The following ACSM2A variants were observed in gnomAD, a reference collection of about 807,000 sequenced individuals.
ACSM2A encodes acyl-coenzyme A synthetase ACSM2A, mitochondrial.
In ACSM2A, 72 loss-of-function variants were observed where a neutral mutation model predicts 76.6. That is an observed-to-expected ratio of 0.94 (90% CI 0.78 to 1.14). ACSM2A has a LOEUF of 1.14. ACSM2A is among the 50% of genes most tolerant of loss of function. The pLI, the probability that ACSM2A is intolerant of heterozygous loss-of-function variation, is 0.00. For missense variants in ACSM2A, 684 were observed against 708.5 expected, an observed-to-expected ratio of 0.97 and a Z score of 0.39; for synonymous variants, 249 against 255.9, an observed-to-expected ratio of 0.97 and a Z score of 0.26.
rs1469833125 is a variant in ACSM2A, at chr16:20,468,679, A to G, written c.389-833A>G. Among the ~76,000 whole-genome samples, 3 of 152,340 alleles carry G rather than the reference A, an allele frequency of 2.0e-5. No homozygotes were observed. The East Asian group carries it at 5.8e-4, about 29-fold the overall frequency. ...CTGGCCCTAAGTCTAGTTATTCTAC[A>G]GAATATTTTAATAATCAAAGGAGTC... On this transcript the variant is annotated intron_variant, in intron 3 of 13. Transcript: ENST00000573854.
chr16:20,478,613 C>T lies in ACSM2A; in HGVS notation c.1217C>T (p.Thr406Ile), dbSNP rs538489825. Reference protein sequence around the residue: ...DDKGNVLPPGTEGDIGIRVKP... With the variant: ...DDKGNVLPPGIEGDIGIRVKP... ...AAGGGCAACGTCCTGCCCCCCGGCA[C>T]AGAAGGAGACATTGGCATCAGGGTC... The change falls in exon 10 of 14, where the codon ACA (threonine) becomes ATA (isoleucine). Residue 406 changes from threonine (T) to isoleucine (I), a missense_variant. Coordinates refer to ENST00000573854, the MANE Select transcript of ACSM2A (RefSeq NM_001308172.2). 8.7e-6 allele frequency: 14 copies of T among 1,613,838 alleles called. No homozygotes were observed. The highest frequency in any genetic ancestry group is 1.7e-5 in the Admixed American group (1 of 60,000).
chr16:20,463,878 T>G (rs2012791467), intron 2 of ACSM2A, among the ~76,000 whole-genome samples: 1 of 152,198 alleles, frequency 6.6e-6, no homozygotes, highest in Admixed American at 6.5e-5. Flanking sequence ...TATTCCATTG[T>G]TATGTATATG....
chr16:20,473,671 C>T (rs1038651195), intron 6 of ACSM2A, among the ~76,000 whole-genome samples: 9 of 152,086 alleles, frequency 5.9e-5, no homozygotes, highest in South Asian at 4.2e-4. Flanking sequence ...TCCTAAGGCC[C>T]CATCCCGCCA....
intron 4 of ACSM2A, among the ~76,000 whole-genome samples, chr16:20,470,465 G>C (rs528742133): frequency 6.6e-6 from 1 of 152,096 alleles, no homozygotes; most frequent in Non-Finnish European, 1.5e-5. Context: ...CTCTAGCAGG[G>C]GCACATATGA....
intron 2 of ACSM2A, among the ~76,000 whole-genome samples, chr16:20,463,597 C>T (rs1322004152): frequency 1.3e-5 from 2 of 152,090 alleles, no homozygotes; most frequent in Admixed American, 6.5e-5. Flanking sequence ...TGGCTGTAAT[C>T]TTCCTGAGGC....
At chr16:20,470,578 C>T (rs1310215896) in intron 4 of ACSM2A, among the ~76,000 whole-genome samples, 1 of 152,106 alleles carries the variant, frequency 6.6e-6, no homozygotes, top group Non-Finnish European at 1.5e-5. Flanking sequence ...TTTAAAGGCT[C>T]AAAATCAGGA....
At chr16:20,470,107 C>A (rs1388645614) in intron 4 of ACSM2A, among the ~76,000 whole-genome samples, 2 of 151,998 alleles carry the variant, frequency 1.3e-5, no homozygotes, top group Non-Finnish European at 2.9e-5. Context: ...GAGTTCCATG[C>A]TATGGTAAAA....
intron 3 of ACSM2A, among the ~76,000 whole-genome samples, chr16:20,466,602 A>G (rs1054441779): frequency 3.3e-5 from 5 of 152,240 alleles, no homozygotes; most frequent in African/African-American, 1.2e-4. Context: ...CAAGGGGCTA[A>G]GGAATAGTAA....
intron 2 of ACSM2A, among the ~76,000 whole-genome samples, chr16:20,463,364 T>A (rs2012756604): frequency 6.6e-6 from 1 of 150,906 alleles, no homozygotes; most frequent in Admixed American, 6.6e-5. Context: ...TTTCTCTAAA[T>A]CTCATGTTGA....
At chr16:20,470,332 G>A (rs2013307541) in intron 4 of ACSM2A, among the ~76,000 whole-genome samples, 1 of 152,140 alleles carries the variant, frequency 6.6e-6, no homozygotes, top group Admixed American at 6.5e-5. Context: ...TCTAAGAGAG[G>A]CTGATCAAGG....
At chr16:20,468,643 A>G (rs2013166981) in intron 3 of ACSM2A, among the ~76,000 whole-genome samples, 1 of 152,220 alleles carries the variant, frequency 6.6e-6, no homozygotes, top group African/African-American at 2.4e-5. Flanking sequence ...TACAGGCATG[A>G]GCCACCATAC....
At chr16:20,474,443 G>GA (rs1176639769) in intron 6 of ACSM2A, among the ~76,000 whole-genome samples, 2 of 152,096 alleles carry the variant, frequency 1.3e-5, no homozygotes, top group African/African-American at 2.4e-5. Context: ...CCCTCCTTGG[G>GA]ACTCTGCGGA....
intron 8 of ACSM2A, 166 bp downstream of exon 8, chr16:20,475,939 C>T (rs1432667527): frequency 1.5e-5 from 22 of 1,432,318 alleles, no homozygotes; most frequent in Non-Finnish European, 1.8e-5. Flanking sequence ...CCGCACAGAA[C>T]AAAAAAGGCA....
chr16:20,469,876 T>G (rs1479202787), intron 4 of ACSM2A, among the ~76,000 whole-genome samples, 157 bp downstream of exon 4: 1 of 147,378 alleles, frequency 6.8e-6, no homozygotes, highest in Non-Finnish European at 1.5e-5. Flanking sequence ...AAGGGTATTT[T>G]TTTTTTTTTT....
In ACSM2A at chr16:20,486,668, G is replaced by A. The variant is rs1173954214; in HGVS notation, c.1724G>A (p.Arg575His). The change falls in exon 14 of 14, where the codon CGT becomes CAT. Residue 575 changes from arginine to histidine, a missense_variant. By Grantham distance (29) the Arg-to-His change is conservative. Coordinates refer to ENST00000573854, the MANE Select transcript of ACSM2A (RefSeq NM_001308172.2). The stretch of plus-strand genomic sequence containing the variant: ...GAGTGGAAGATGTCCGGAAAAGCCC[G>A]TGCGCAGTGAGACATCTAAGAGACA... ...DKEWKMSGKARAQ is the reference protein window; with the variant it reads ...DKEWKMSGKAHAQ The A allele has an allele frequency of 1.4e-5, 22 of 1,614,168 alleles. No individual in the cohort carries two copies. The highest frequency in any genetic ancestry group is 8.9e-5 in the East Asian group (4 of 44,890).
At chr16:20,476,052 A>G (rs1304432524) in intron 8 of ACSM2A, 10 of 1,077,040 alleles carry the variant, frequency 9.3e-6, no homozygotes, top group Non-Finnish European at 1.1e-5. Flanking sequence ...TGCGATGGAA[A>G]AAGTAAAGTA....
At chr16:20,483,728 C>G (rs1268364873) in intron 13 of ACSM2A, among the ~76,000 whole-genome samples, 1 of 152,042 alleles carries the variant, frequency 6.6e-6, no homozygotes, top group Admixed American at 6.6e-5. Flanking sequence ...TAGCCAGTAT[C>G]TTACCTGTAT....
chr16:20,470,654 T>C (rs964957978), intron 4 of ACSM2A, among the ~76,000 whole-genome samples: 2 of 152,162 alleles, frequency 1.3e-5, no homozygotes, highest in Non-Finnish European at 2.9e-5. Context: ...AAGAAAGTAC[T>C]TGGAAAACTT....
chr16:20,468,773 T>G (rs990879954), intron 3 of ACSM2A, among the ~76,000 whole-genome samples: 1 of 152,236 alleles, frequency 6.6e-6, no homozygotes, highest in Non-Finnish European at 1.5e-5. Context: ...ACCTCATTTA[T>G]GTGCAAGGAA....
Sources: gnomAD v4.1 joint callset for allele counts (sites outside exome capture counted in the v4.1 genomes callset) on GRCh38, gnomAD v4.1.1 for gene constraint, MANE v1.5 for transcripts, NCBI Gene and HGNC (gene_info 2026-07-23, HGNC 2026-07-21) for gene names.